Variants in CLASP2 observed in about 807,000 individuals in gnomAD.
The protein encoded by CLASP2 is cytoplasmic linker associated protein 2.
In CLASP2, 47 loss-of-function variants were observed where a neutral mutation model predicts 194.4. That is an observed-to-expected ratio of 0.24 (90% CI 0.19 to 0.31). The LOEUF (loss-of-function observed/expected upper bound fraction) is 0.31, where lower values mean the gene tolerates loss of function less well. Ranked by LOEUF, CLASP2 falls within the 10% of genes least tolerant of loss-of-function variation. CLASP2 has a pLI of 1.00. For synonymous variants in CLASP2, 619 were observed against 633.5 expected (o/e 0.98, Z 0.34); for missense variants, 1,445 against 1,823.6 (o/e 0.79, Z 3.78).
Position 33,552,312 on chromosome 3 carries a change from T to G in CLASP2, c.3010-917A>C, listed in dbSNP as rs111458173. 7.5e-3 allele frequency among the ~76,000 whole-genome samples: 1,144 copies of G among 152,040 alleles called. 12 individuals carry two copies. Among genetic ancestry groups the G allele is most frequent in the African/African-American group, 0.025 (1,049 of 41,450 alleles). On this transcript the variant is annotated intron_variant, in intron 29 of 38. Coordinates refer to ENST00000682230, the MANE Select transcript of CLASP2 (RefSeq NM_001365631.1). ...TTTTGTGTTTTTAGTAGAGACGAGG[T>G]TTCACCATGTTGGCCATGCTGGTCT... is the stretch of plus-strand genomic sequence containing the variant.
intron 2 of CLASP2, among the ~76,000 whole-genome samples, chr3:33,696,467 CTTTT>C (rs527665599): frequency 8.5e-6 from 1 of 117,964 alleles, no homozygotes. Flanking sequence ...CATAACATTA[CTTTT>C]TTTTTTTTTT....
chr3:33,573,883 C>T (rs1418284194), intron 24 of CLASP2, among the ~76,000 whole-genome samples: 1 of 152,092 alleles, frequency 6.6e-6, no homozygotes, highest in Non-Finnish European at 1.5e-5. Flanking sequence ...ACCCTCATGT[C>T]TCCTAGAGAA....
At chr3:33,594,267 A>T (rs2069605999) in intron 20 of CLASP2, among the ~76,000 whole-genome samples, 1 of 152,218 alleles carries the variant, frequency 6.6e-6, no homozygotes, top group Admixed American at 6.5e-5. Flanking sequence ...GTCACAAAAA[A>T]TAGTCATCCA....
At chr3:33,577,518 A>G (rs1469632092) in intron 23 of CLASP2, among the ~76,000 whole-genome samples, 4 of 152,200 alleles carry the variant, frequency 2.6e-5, no homozygotes, top group Non-Finnish European at 5.9e-5. Context: ...GGAAATGTTG[A>G]AGGTACAAGC....
At chr3:33,540,030 GCCTCAGCCTCA>G (rs2058073391) in intron 32 of CLASP2, among the ~76,000 whole-genome samples, 1 of 151,136 alleles carries the variant, frequency 6.6e-6, no homozygotes, top group South Asian at 2.1e-4. Context: ...CGATTCTCCA[GCCTCAGCCTCA>G]CCTCAGCCTC....
intron 6 of CLASP2, among the ~76,000 whole-genome samples, chr3:33,668,203 T>G (rs1218467305): frequency 6.6e-6 from 1 of 152,198 alleles, no homozygotes; most frequent in Admixed American, 6.5e-5. Context: ...CAGGTGACAG[T>G]GCGAGACTCC....
Position 33,662,746 on chromosome 3 carries a change from AG to A in CLASP2, c.715+698del, listed in dbSNP as rs1314863304. 2.6e-5 allele frequency among the ~76,000 whole-genome samples: 4 copies of A among 152,330 alleles called. No individual in the cohort carries two copies. The East Asian group carries it at 7.7e-4, about 29-fold the overall frequency. On this transcript the variant is annotated intron_variant, in intron 7 of 38. Transcript: ENST00000682230. ...ATGAAACTACTTTACTAGGTGGAAA[AG>A]CAACCTATATTATCTTTGGAAATAG... is the stretch of plus-strand genomic sequence containing the variant.
At chr3:33,629,779 C>T (rs1209166848) in intron 9 of CLASP2, among the ~76,000 whole-genome samples, 3 of 147,874 alleles carry the variant, frequency 2.0e-5, no homozygotes, top group African/African-American at 7.6e-5. Context: ...AAAATCATTG[C>T]TTAATACTTT....
intron 8 of CLASP2, among the ~76,000 whole-genome samples, chr3:33,638,548 C>T (rs1327291088): frequency 2.6e-5 from 4 of 152,236 alleles, no homozygotes; most frequent in South Asian, 2.1e-4. Flanking sequence ...CCTTGTTAGC[C>T]GCCCGCCTAG....
At chr3:33,509,367 C>G (rs1465945249) in intron 37 of CLASP2, among the ~76,000 whole-genome samples, 2 of 152,208 alleles carry the variant, frequency 1.3e-5, no homozygotes, top group Non-Finnish European at 2.9e-5. Flanking sequence ...CGGCATGTGC[C>G]AACACACCTG....
intron 1 of CLASP2, among the ~76,000 whole-genome samples, chr3:33,710,294 T>C (rs1355009260): frequency 6.6e-6 from 1 of 152,238 alleles, no homozygotes; most frequent in Non-Finnish European, 1.5e-5. Context: ...GTCTGTGATA[T>C]ACATATAGAA....
chr3:33,588,218 T>C (rs1391891913), intron 21 of CLASP2, among the ~76,000 whole-genome samples: 6 of 152,138 alleles, frequency 3.9e-5, no homozygotes, highest in African/African-American at 1.4e-4. Flanking sequence ...ATGACCCACT[T>C]TGGAATTATT....
rs762410958 is a variant in CLASP2, at chr3:33,573,176, T to C, written c.2633A>G (p.Asn878Ser). 4 of 1,613,882 alleles carry C rather than the reference T, an allele frequency of 2.5e-6. No individual in the cohort carries two copies. Among genetic ancestry groups the C allele is most frequent in the Non-Finnish European group, 3.4e-6 (4 of 1,179,816 alleles). Residue 878 changes from asparagine (N) to serine (S), a missense_variant, in exon 25 of 39, where the codon AAT becomes AGT. Coordinates refer to ENST00000682230, the MANE Select transcript of CLASP2 (RefSeq NM_001365631.1). ...AEVLNRCASS[N>S]WSERKEGLLG... Reference sequence around the variant, plus strand: ...GAGGCCTTCTTTCCTTTCTGACCAATTGGAACTAGCACATCTATTGAGGAC... The same window carrying C: ...GAGGCCTTCTTTCCTTTCTGACCAACTGGAACTAGCACATCTATTGAGGAC...
chr3:33,657,041 G>C (rs2084363985), intron 7 of CLASP2, among the ~76,000 whole-genome samples: 1 of 152,094 alleles, frequency 6.6e-6, no homozygotes, highest in Non-Finnish European at 1.5e-5. Flanking sequence ...TGGTTTTGAA[G>C]GGATTTTTGC....
chr3:33,535,313 T>C lies in CLASP2; in HGVS notation c.3707A>G (p.Tyr1236Cys), dbSNP rs1576045087. The C allele has an allele frequency of 6.2e-7, 1 of 1,613,936 alleles. No homozygotes were observed. The highest frequency in any genetic ancestry group is 8.5e-7 in the Non-Finnish European group (1 of 1,179,846). The change falls in exon 34 of 39, where the codon TAT (tyrosine) becomes TGT (cysteine). Residue 1236 changes from tyrosine to cysteine, a missense_variant. Physicochemically the swap from Tyr to Cys is radical, Grantham distance 194. Coordinates refer to ENST00000682230, the MANE Select transcript of CLASP2 (RefSeq NM_001365631.1). ...GTTGAAGGGACTGATGCTATCTGAA[T>C]AGTTATATGGATTATAGTCTCGAGA... ...PRSRDYNPYNYSDSISPFNKS... is the reference protein window; with the variant it reads ...PRSRDYNPYNCSDSISPFNKS...
intron 1 of CLASP2, among the ~76,000 whole-genome samples, chr3:33,706,779 T>C (rs1176540327): frequency 6.6e-6 from 1 of 151,932 alleles, no homozygotes; most frequent in Non-Finnish European, 1.5e-5. Context: ...CTGGGCAACA[T>C]AGGGAGACCC....
intron 24 of CLASP2, among the ~76,000 whole-genome samples, chr3:33,573,637 T>G (rs1431164654): frequency 1.3e-5 from 2 of 151,958 alleles, no homozygotes; most frequent in Non-Finnish European, 2.9e-5. Context: ...AAAATGTGGG[T>G]TTTTCCTTTC....
chr3:33,524,556 T>A (rs2053990260), intron 34 of CLASP2, among the ~76,000 whole-genome samples: 1 of 150,346 alleles, frequency 6.7e-6, no homozygotes. Context: ...GAGGCTGAGG[T>A]GGGAGAATCC....
chr3:33,710,210 G>A (rs140610455), intron 1 of CLASP2, among the ~76,000 whole-genome samples: 2 of 152,280 alleles, frequency 1.3e-5, no homozygotes, highest in African/African-American at 4.8e-5. Context: ...AACACAAGGA[G>A]GCATACTTTC....
Sources: allele counts gnomAD v4.1 joint callset (sites outside exome capture counted in the v4.1 genomes callset), GRCh38; gene constraint gnomAD v4.1.1; transcripts MANE v1.5; gene names NCBI Gene and HGNC (gene_info 2026-07-23, HGNC 2026-07-21).